PEAK1: variants seen among roughly 807,000 people sequenced by gnomAD.
PEAK1 encodes inactive tyrosine-protein kinase PEAK1.
Under a neutral mutation model 124.7 loss-of-function variants are expected in PEAK1, and 54 were observed. The ratio of observed to expected loss-of-function variants is 0.43; its 90% CI spans 0.35 to 0.54. The LOEUF (loss-of-function observed/expected upper bound fraction) is 0.54. Among genes scored for constraint, PEAK1 ranks in the 20% least tolerant of loss-of-function variants. The pLI is 0.01. For synonymous variants in PEAK1, 719 were observed against 760.0 expected (o/e 0.95, Z 0.89); for missense variants, 2,046 against 2,134.5 (o/e 0.96, Z 0.82).
intron 6 of PEAK1, among the ~76,000 whole-genome samples, chr15:77,211,494 G>T (rs1242341507): frequency 6.6e-6 from 1 of 152,038 alleles, no homozygotes; most frequent in Non-Finnish European, 1.5e-5. Flanking sequence ...AAATCACTCA[G>T]CATACAAATG....
chr15:77,406,490 C>G (rs1159656415), intron 1 of PEAK1, among the ~76,000 whole-genome samples: 1 of 152,116 alleles, frequency 6.6e-6, no homozygotes, highest in Non-Finnish European at 1.5e-5. Flanking sequence ...CCAACAGCGG[C>G]CAAGCTGAGA....
At position 77,179,016 on chromosome 15, in the gene PEAK1, G is replaced by A; in HGVS notation, c.2911C>T (p.His971Tyr). The A allele has an allele frequency of 3.1e-6, 5 of 1,614,106 alleles. No individual in the cohort carries two copies. Among genetic ancestry groups the A allele is most frequent in the Non-Finnish European group, 3.4e-6 (4 of 1,180,010 alleles). ...HMLPPPPVQR[H>Y]HWFTEAKGES... is the part of the protein sequence containing the mutation. Reference sequence around the variant, plus strand: ...CCTTTCGCCTCTGTGAACCAGTGATGGCGCTGAACTGGAGGAGGAGGCAGC... The same window carrying A: ...CCTTTCGCCTCTGTGAACCAGTGATAGCGCTGAACTGGAGGAGGAGGCAGC... The change falls in exon 7 of 10, where the codon CAT (histidine) becomes TAT (tyrosine). Residue 971 changes from histidine to tyrosine, a missense_variant. Transcript: ENST00000682557.
chr15:77,123,151 G>A (rs1363082428), intron 9 of PEAK1, among the ~76,000 whole-genome samples: 1 of 152,060 alleles, frequency 6.6e-6, no homozygotes, highest in African/African-American at 2.4e-5. Context: ...ACAAAGACTG[G>A]GACTACTTTA....
At chr15:77,317,822 T>C (rs192482916) in intron 2 of PEAK1, among the ~76,000 whole-genome samples, 5 of 152,318 alleles carry the variant, frequency 3.3e-5, no homozygotes, top group Admixed American at 1.3e-4. Flanking sequence ...AGGAAAGATA[T>C]CTGTAATTAC....
intron 6 of PEAK1, among the ~76,000 whole-genome samples, chr15:77,207,743 A>C (rs1596616236): frequency 6.6e-6 from 1 of 152,178 alleles, no homozygotes; most frequent in Non-Finnish European, 1.5e-5. Context: ...ATATGATACT[A>C]TAATGGTGGA....
rs375901831 is a variant in PEAK1, at chr15:77,282,524, T to TA, written c.-275+1358dup. 5.0e-3 allele frequency among the ~76,000 whole-genome samples: 754 copies of TA among 152,314 alleles called. 6 individuals carry two copies. Among genetic ancestry groups the TA allele is most frequent in the African/African-American group, 0.017 (713 of 41,570 alleles). On this transcript the variant is annotated intron_variant, in intron 5 of 9. Coordinates refer to ENST00000682557, the MANE Select transcript of PEAK1 (RefSeq NM_001385026.1). The stretch of plus-strand genomic sequence containing the variant: ...ATCCACGTGTACAAAGGGAATGCTT[T>TA]AATAAGAATGGGACACCAGCCTGGA...
intron 6 of PEAK1, among the ~76,000 whole-genome samples, chr15:77,251,363 T>G (rs1399115252): frequency 1.3e-5 from 2 of 152,166 alleles, no homozygotes; most frequent in Non-Finnish European, 2.9e-5. Flanking sequence ...CTTCAAAATT[T>G]CCCTCTCCTT....
chr15:77,184,883 A>C (rs1000832927), intron 6 of PEAK1, among the ~76,000 whole-genome samples: 3 of 82,758 alleles, frequency 3.6e-5, no homozygotes, highest in Non-Finnish European at 8.4e-5. Flanking sequence ...GTCTAAGACA[A>C]ACAAACAACT....
At chr15:77,174,925 C>G (rs1224148697) in intron 7 of PEAK1, among the ~76,000 whole-genome samples, 1 of 151,852 alleles carries the variant, frequency 6.6e-6, no homozygotes, top group Non-Finnish European at 1.5e-5. Flanking sequence ...TGGAACAGAA[C>G]AGAGCCCTCA....
At chr15:77,219,912 T>C (rs1313776246) in intron 6 of PEAK1, among the ~76,000 whole-genome samples, 1 of 152,168 alleles carries the variant, frequency 6.6e-6, no homozygotes, top group Non-Finnish European at 1.5e-5. Flanking sequence ...CATTTATTAA[T>C]AGGCCATACT....
At chr15:77,333,403 A>G in intron 2 of PEAK1, 1 of 978,138 alleles carries the variant, frequency 1.0e-6, no homozygotes, top group Non-Finnish European at 1.2e-6. Flanking sequence ...CTAACTGAGT[A>G]GAAGTCTGGG....
At chr15:77,268,880 A>C (rs1031287835) in intron 5 of PEAK1, among the ~76,000 whole-genome samples, 3 of 152,168 alleles carry the variant, frequency 2.0e-5, no homozygotes, top group African/African-American at 7.2e-5. Flanking sequence ...AAACAAAATA[A>C]TTATCAGCCA....
chr15:77,210,161 A>G (rs1038127180), intron 6 of PEAK1, among the ~76,000 whole-genome samples: 4 of 152,192 alleles, frequency 2.6e-5, no homozygotes, highest in African/African-American at 9.6e-5. Flanking sequence ...CCTTATATTT[A>G]CTTCTTATGT....
chr15:77,197,389 C>T (rs1276053886), intron 6 of PEAK1, among the ~76,000 whole-genome samples: 1 of 152,094 alleles, frequency 6.6e-6, no homozygotes, highest in African/African-American at 2.4e-5. Flanking sequence ...ATTATCCAAA[C>T]AGAATTTAAT....
Position 77,180,523 on chromosome 15 carries a change from T to C in PEAK1, c.1404A>G (p.Glu468=), listed in dbSNP as rs75496718. The C allele has an allele frequency of 5.0e-6, 8 of 1,614,090 alleles. No homozygotes were observed. Among genetic ancestry groups the C allele is most frequent in the Non-Finnish European group, 6.8e-6 (8 of 1,179,990 alleles). The change falls in exon 7 of 10, where the codon GAA becomes GAG. Residue 468 remains glutamate, a synonymous_variant. Coordinates refer to ENST00000682557, the MANE Select transcript of PEAK1 (RefSeq NM_001385026.1). ...QAKPYRVVNL[E]QPLCKPYTVV... Reference sequence around the variant, plus strand: ...CAGTATATGGCTTGCACAATGGCTGTTCCAGGTTCACAACTCGGTAAGGTT... The same window carrying C: ...CAGTATATGGCTTGCACAATGGCTGCTCCAGGTTCACAACTCGGTAAGGTT...
chr15:77,353,107 T>C (rs1019095557), intron 2 of PEAK1: 1 of 429,046 alleles, frequency 2.3e-6, no homozygotes, highest in African/African-American at 2.2e-5. Flanking sequence ...GCACTGCTTT[T>C]CAATATCAAC....
At chr15:77,221,395 A>G (rs1436009396) in intron 6 of PEAK1, among the ~76,000 whole-genome samples, 2 of 152,064 alleles carry the variant, frequency 1.3e-5, no homozygotes, top group African/African-American at 4.8e-5. Flanking sequence ...TTTTATATTA[A>G]ATGTCTTCAT....
At chr15:77,419,117 C>G in intron 1 of PEAK1, 1 of 985,428 alleles carries the variant, frequency 1.0e-6, no homozygotes, top group Non-Finnish European at 1.2e-6. Flanking sequence ...TCCAATAACT[C>G]CATTCCACAG....
chr15:77,408,253 T>G (rs572424325), intron 1 of PEAK1, among the ~76,000 whole-genome samples: 1 of 151,386 alleles, frequency 6.6e-6, no homozygotes, highest in Non-Finnish European at 1.5e-5. Context: ...CTGGATGGAA[T>G]TGGAGACCAT....
Sources: allele counts gnomAD v4.1 joint callset (sites outside exome capture counted in the v4.1 genomes callset), GRCh38; gene constraint gnomAD v4.1.1; transcripts MANE v1.5; gene names NCBI Gene and HGNC (gene_info 2026-07-23, HGNC 2026-07-21).